The following MACC1 variants were observed in gnomAD, a reference collection of about 807,000 sequenced individuals.
The protein encoded by MACC1 is MET transcriptional regulator MACC1, also known as metastasis-associated in colon cancer protein 1.
A neutral mutation model predicts 70.7 loss-of-function variants in MACC1; 79 were observed. The ratio of observed to expected loss-of-function variants is 1.12; its 90% confidence interval spans 0.93 to 1.35. MACC1 has a LOEUF of 1.35. MACC1 is among the 40% of genes most tolerant of loss of function. MACC1 has a pLI of 0.00. For missense variants in MACC1, 1,106 were observed against 978.1 expected (o/e 1.13, Z -1.74); for synonymous variants, 361 against 347.2 (o/e 1.04, Z -0.44).
At chr7:20,175,066 A>G (rs1047283555) in intron 1 of MACC1, among the ~76,000 whole-genome samples, 4 of 152,056 alleles carry the variant, frequency 2.6e-5, no homozygotes, top group African/African-American at 9.7e-5. Flanking sequence ...ATGTTGACAA[A>G]TCTATAAATC....
rs967796088 is a variant in MACC1 at position 20,136,161 on chromosome 7, C to T, written c.*4785G>A. ...TTTTACTGGTGAGAAAACTGAAGACCAGAGAGGCCAAGTGACAGGTCCACA... is the reference window on the plus strand; with the variant it reads ...TTTTACTGGTGAGAAAACTGAAGACTAGAGAGGCCAAGTGACAGGTCCACA... On this transcript the variant is annotated 3_prime_UTR_variant, in exon 7 of 7. Coordinates refer to ENST00000400331, the MANE Select transcript of MACC1 (RefSeq NM_182762.4). The T allele has an allele frequency of 6.6e-6, 1 of 152,132 alleles. No homozygotes were observed. Among genetic ancestry groups the T allele is most frequent in the African/African-American group, 2.4e-5 (1 of 41,418 alleles). The allele number at this position is 152,132 out of a possible 1,614,324, so 9.4% of individuals were successfully genotyped here.
chr7:20,180,211 G>A (rs149665415), intron 1 of MACC1, among the ~76,000 whole-genome samples: 4,042 of 149,976 alleles, frequency 0.027, 184 homozygotes, highest in African/African-American at 0.09. Context: ...TTGGGAGGCC[G>A]AGGCGGGCAG....
intron 5 of MACC1, 103 bp downstream of exon 5, chr7:20,158,101 T>C: frequency 7.3e-7 from 1 of 1,375,656 alleles, no homozygotes; most frequent in South Asian, 1.5e-5. Flanking sequence ...TTTAAGACTG[T>C]TGAATTTTTA....
intron 4 of MACC1, 24 bp from the exon 5 acceptor site, chr7:20,160,269 G>C: frequency 6.6e-7 from 1 of 1,516,588 alleles, no homozygotes; most frequent in Non-Finnish European, 8.8e-7. Context: ...GAAAGACAAA[G>C]CAAAACAAAG....
chr7:20,181,579 T>C (rs1003593806), intron 1 of MACC1, among the ~76,000 whole-genome samples: 5 of 152,148 alleles, frequency 3.3e-5, no homozygotes, highest in Admixed American at 2.0e-4. Flanking sequence ...TAAAATTCCA[T>C]ATTGAATTTC....
intron 4 of MACC1, among the ~76,000 whole-genome samples, 192 bp from the exon 5 acceptor site, chr7:20,160,437 T>G (rs1387865911): frequency 6.6e-6 from 1 of 152,218 alleles, no homozygotes; most frequent in Non-Finnish European, 1.5e-5. Flanking sequence ...AGAAGAATAT[T>G]TTTTCTACCA....
rs534042614 is a variant in MACC1 at position 20,154,340 on chromosome 7, G to A, written c.2199C>T (p.Leu733=). The A allele has an allele frequency of 1.9e-6, 3 of 1,613,912 alleles. No individual in the cohort carries two copies. Among genetic ancestry groups the A allele is most frequent in the African/African-American group, 1.3e-5 (1 of 75,022 alleles). The change falls in exon 6 of 7, where the codon CTC becomes CTT. Residue 733 remains leucine, a synonymous_variant. Transcript: ENST00000400331. ...AAGTCAGAACAGCAGCTTCTTGGAT[G>A]AGACGTGCGACTAACTCTTGGCAAT... ...KMDCQELVAR[L]IQEAAVLTSA...
chr7:20,173,115 C>T (rs1782336963), intron 1 of MACC1, among the ~76,000 whole-genome samples: 1 of 152,062 alleles, frequency 6.6e-6, no homozygotes, highest in Admixed American at 6.6e-5. Flanking sequence ...GAAATCATCC[C>T]AAAAATCCGA....
intron 1 of MACC1, among the ~76,000 whole-genome samples, chr7:20,203,892 C>T (rs978633440): frequency 6.6e-6 from 1 of 151,940 alleles, no homozygotes; most frequent in Non-Finnish European, 1.5e-5. Flanking sequence ...TGGAAAATTA[C>T]ATAATCATAA....
chr7:20,171,522 G>A lies in MACC1; in HGVS notation c.-217-744C>T, dbSNP rs1379745149. 3.3e-5 allele frequency among the ~76,000 whole-genome samples: 5 copies of A among 151,500 alleles called. No individual in the cohort carries two copies. In the South Asian group the frequency reaches 8.4e-4, roughly 25 times the overall value. On this transcript the variant is annotated intron_variant, in intron 1 of 6. Transcript: ENST00000400331. ...GCCTGCCTCGGCCTCCCAAAGTGCT[G>A]GGATTACAGGCATGAGCCACCACGC...
At chr7:20,190,963 A>G (rs1431685913) in intron 1 of MACC1, among the ~76,000 whole-genome samples, 2 of 152,246 alleles carry the variant, frequency 1.3e-5, no homozygotes, top group Non-Finnish European at 2.9e-5. Flanking sequence ...ACACAGAAAC[A>G]AAGCACCAGT....
chr7:20,144,857 A>G (rs1781864251), intron 6 of MACC1, among the ~76,000 whole-genome samples: 1 of 152,206 alleles, frequency 6.6e-6, no homozygotes, highest in African/African-American at 2.4e-5. Context: ...CAACTAAGTC[A>G]ATTATTAGTG....
At chr7:20,186,967 T>G (rs539050097) in intron 1 of MACC1, among the ~76,000 whole-genome samples, 2 of 152,178 alleles carry the variant, frequency 1.3e-5, no homozygotes, top group African/African-American at 4.8e-5. Context: ...ATTACTATCA[T>G]GTTTTATAAA....
intron 1 of MACC1, among the ~76,000 whole-genome samples, chr7:20,197,178 T>A (rs1223950321): frequency 6.6e-6 from 1 of 152,216 alleles, no homozygotes; most frequent in Non-Finnish European, 1.5e-5. Flanking sequence ...CTATTTGGAA[T>A]TTCTGACAAA....
Position 20,137,472 on chromosome 7 carries a change from G to A in MACC1, c.*3474C>T, listed in dbSNP as rs991228876. 6.6e-6 allele frequency: 1 copy of A among 152,220 alleles called. No homozygotes were observed. Among genetic ancestry groups the A allele is most frequent in the Non-Finnish European group, 1.5e-5 (1 of 68,026 alleles). The allele number at this position is 152,220 out of a possible 1,614,324, so 9.4% of individuals were successfully genotyped here. On this transcript the variant is annotated 3_prime_UTR_variant, in exon 7 of 7. Coordinates refer to ENST00000400331, the MANE Select transcript of MACC1 (RefSeq NM_182762.4). ...TAAAGGCTTTAACACAAAGGAGGTA[G>A]AGGATCTGTGGCTTATACAGAAAAA...
rs1362212429 is a variant in MACC1, at chr7:20,158,944, A to G, written c.1417T>C (p.Ser473Pro). Residue 473 changes from serine to proline, a missense_variant, in exon 5 of 7, where the codon TCT (serine) becomes CCT (proline). Ser to Pro is a moderately conservative substitution (Grantham distance 74). Coordinates refer to ENST00000400331, the MANE Select transcript of MACC1 (RefSeq NM_182762.4). Reference sequence around the variant, plus strand: ...TGCATCTCTCTGTGCTCAACTAAAGAAAATAAAAATTGTTGATGAACTACT... The same window carrying G: ...TGCATCTCTCTGTGCTCAACTAAAGGAAATAAAAATTGTTGATGAACTACT... ...GEVVHQQFLF[S>P]LVEHREMHLF... 2 of 1,614,000 alleles carry G rather than the reference A, an allele frequency of 1.2e-6. No homozygotes were observed. The highest frequency in any genetic ancestry group is 1.7e-5 in the Admixed American group (1 of 59,958).
intron 1 of MACC1, among the ~76,000 whole-genome samples, chr7:20,185,491 ATT>A (rs1554290659): frequency 3.3e-5 from 5 of 151,418 alleles, no homozygotes; most frequent in Non-Finnish European, 5.9e-5. Flanking sequence ...TAAAAAAAAA[ATT>A]TTTTTTCTTT....
At chr7:20,187,030 C>G (rs914242768) in intron 1 of MACC1, among the ~76,000 whole-genome samples, 3 of 152,138 alleles carry the variant, frequency 2.0e-5, no homozygotes, top group Non-Finnish European at 4.4e-5. Flanking sequence ...CCCTAACTTA[C>G]AATGGTTCAA....
intron 1 of MACC1, among the ~76,000 whole-genome samples, chr7:20,216,761 C>A (rs1246428404): frequency 3.3e-5 from 5 of 152,130 alleles, no homozygotes; most frequent in African/African-American, 1.2e-4. Context: ...ATCTTTTATT[C>A]ATAATTTAAT....
Sources: gnomAD v4.1 joint callset for allele counts (sites outside exome capture counted in the v4.1 genomes callset) on GRCh38, gnomAD v4.1.1 for gene constraint, MANE v1.5 for transcripts, NCBI Gene and HGNC (gene_info 2026-07-23, HGNC 2026-07-21) for gene names.